TOX: variants seen among roughly 807,000 people sequenced by gnomAD.
TOX encodes the protein thymocyte selection associated high mobility group box.
Under a neutral mutation model 53.7 loss-of-function variants are expected in TOX, and 11 were observed. That is an observed-to-expected ratio of 0.20 (90% confidence interval 0.13 to 0.34). The LOEUF is 0.34. Among genes scored for constraint, TOX ranks in the 10% least tolerant of loss-of-function variants. The pLI is 1.00. For missense variants in TOX, 570 were observed against 664.6 expected (o/e 0.86, Z 1.56); for synonymous variants, 225 against 245.3 (o/e 0.92, Z 0.77).
chr8:58,985,156 T>G (rs1813303524), intron 1 of TOX, among the ~76,000 whole-genome samples: 1 of 150,432 alleles, frequency 6.6e-6, no homozygotes, highest in Admixed American at 6.7e-5. Flanking sequence ...TATCTATATC[T>G]TCTATCTATA....
intron 1 of TOX, among the ~76,000 whole-genome samples, chr8:58,965,627 A>G (rs1041615876): frequency 6.6e-6 from 1 of 152,160 alleles, no homozygotes; most frequent in Admixed American, 6.5e-5. Context: ...TGAGGGGGAA[A>G]AACAGCCTCA....
intron 3 of TOX, among the ~76,000 whole-genome samples, chr8:58,871,455 G>T (rs984125277): frequency 1.3e-5 from 2 of 152,128 alleles, no homozygotes; most frequent in East Asian, 3.8e-4. Flanking sequence ...AAAGTATAAT[G>T]TGACAAAAGA....
At chr8:58,998,534 T>TATATATATATAAA (rs1554537351) in intron 1 of TOX, among the ~76,000 whole-genome samples, 8 of 18,340 alleles carry the variant, frequency 4.4e-4, no homozygotes, top group African/African-American at 1.3e-3. Flanking sequence ...TATATATATA[T>TATATATATATAAA]ATATAAATTT....
At chr8:58,836,478 C>T (rs1810548290) in intron 5 of TOX, among the ~76,000 whole-genome samples, 1 of 152,132 alleles carries the variant, frequency 6.6e-6, no homozygotes, top group Admixed American at 6.5e-5. Context: ...GTACAGAGAA[C>T]GTTTTGGTGG....
intron 1 of TOX, among the ~76,000 whole-genome samples, chr8:59,006,172 A>C (rs1813789425): frequency 6.6e-6 from 1 of 152,212 alleles, no homozygotes; most frequent in Admixed American, 6.5e-5. Flanking sequence ...TTTTAGATTC[A>C]TTGTGTCTGT....
chr8:58,879,566 G>GA (rs543408400), intron 3 of TOX, among the ~76,000 whole-genome samples: 19 of 151,882 alleles, frequency 1.3e-4, no homozygotes, highest in South Asian at 8.3e-4. Context: ...CATTATAAAT[G>GA]AAAAAAAATA....
intron 3 of TOX, among the ~76,000 whole-genome samples, chr8:58,866,741 T>C (rs544558487): frequency 2.6e-4 from 39 of 152,168 alleles, no homozygotes; most frequent in Non-Finnish European, 4.7e-4. Context: ...TCAAATTGAG[T>C]AGCTTTTAAA....
At chr8:59,047,799 CAG>C (rs1162651971) in intron 1 of TOX, among the ~76,000 whole-genome samples, 2 of 152,104 alleles carry the variant, frequency 1.3e-5, no homozygotes, top group East Asian at 3.9e-4. Context: ...CAAAACATCA[CAG>C]AATTCAATTA....
At chr8:59,027,461 T>TTA (rs1554540359) in intron 1 of TOX, among the ~76,000 whole-genome samples, 3 of 151,930 alleles carry the variant, frequency 2.0e-5, no homozygotes, top group Admixed American at 2.0e-4. Context: ...TTTTTTTTTT[T>TTA]AAATTTTTCA....
intron 1 of TOX, among the ~76,000 whole-genome samples, chr8:58,978,391 A>G (rs1012769392): frequency 2.6e-5 from 4 of 152,196 alleles, no homozygotes; most frequent in African/African-American, 9.7e-5. Flanking sequence ...GTTCTTTCCA[A>G]ACCTTGAAAT....
chr8:59,110,059 A>G (rs1043670529), intron 1 of TOX, among the ~76,000 whole-genome samples: 3 of 152,144 alleles, frequency 2.0e-5, no homozygotes, highest in Admixed American at 1.3e-4. Context: ...TAACAGCATA[A>G]TTTATTTCAA....
chr8:59,058,906 A>C (rs910170235), intron 1 of TOX, among the ~76,000 whole-genome samples: 9 of 152,198 alleles, frequency 5.9e-5, no homozygotes, highest in Admixed American at 5.9e-4. Context: ...CAGGGCATCC[A>C]GGAAGACAGC....
rs1173710545 is a variant in TOX at position 58,873,958 on chromosome 8, C to CTTTT, written c.412-22157_412-22154dup. Among the ~76,000 whole-genome samples the CTTTT allele has an allele frequency of 7.5e-4, 30 of 40,126 alleles. 8 individuals are homozygous for CTTTT. Among genetic ancestry groups the CTTTT allele is most frequent in the African/African-American group, 4.5e-3 (26 of 5,782 alleles). 26.3% of individuals were successfully genotyped at this position (40,126 alleles called of 152,430 possible). A position where few individuals can be genotyped will look rare whatever the true frequency, so the allele number is the denominator to read the frequency against. On this transcript the variant is annotated intron_variant, in intron 3 of 8. Transcript: ENST00000361421. ...AATACACATCCTGAATGCCAGGAAG[C>CTTTT]TTTTTTTTTTTTTTTTTTTTTTTTT...
chr8:58,914,998 T>A (rs1464576977), intron 3 of TOX, among the ~76,000 whole-genome samples: 1 of 151,250 alleles, frequency 6.6e-6, no homozygotes, highest in Non-Finnish European at 1.5e-5. Context: ...TCAGACCGGC[T>A]TAAAAAACGG....
At chr8:58,860,265 C>T (rs1172708524) in intron 3 of TOX, among the ~76,000 whole-genome samples, 4 of 152,024 alleles carry the variant, frequency 2.6e-5, no homozygotes, top group East Asian at 1.9e-4. Context: ...AATTTTTCAC[C>T]AACAAATATT....
At chr8:58,824,382 C>T (rs1810333261) in intron 6 of TOX, among the ~76,000 whole-genome samples, 1 of 152,196 alleles carries the variant, frequency 6.6e-6, no homozygotes, top group African/African-American at 2.4e-5. Flanking sequence ...GAACCCAGTG[C>T]CTTTCAAATG....
At chr8:58,861,658 C>T (rs374223507) in intron 3 of TOX, among the ~76,000 whole-genome samples, 21 of 152,124 alleles carry the variant, frequency 1.4e-4, no homozygotes, top group African/African-American at 2.9e-4. Flanking sequence ...AAAATTGGGA[C>T]GTACTGGGAG....
intron 5 of TOX, among the ~76,000 whole-genome samples, chr8:58,833,483 TGGAGGTAAACA>T (rs1810497702): frequency 6.6e-6 from 1 of 152,150 alleles, no homozygotes; most frequent in South Asian, 2.1e-4. Flanking sequence ...TCAGAAATAA[TGGAGGTAAACA>T]GGAAATTTAG....
At chr8:58,945,865 G>A (rs1196718451) in intron 2 of TOX, among the ~76,000 whole-genome samples, 2 of 151,982 alleles carry the variant, frequency 1.3e-5, no homozygotes, top group African/African-American at 4.8e-5. Flanking sequence ...TACCAGAGAG[G>A]CATTGTATTT....
Sources: gnomAD v4.1 joint callset for allele counts (sites outside exome capture counted in the v4.1 genomes callset) on GRCh38, gnomAD v4.1.1 for gene constraint, MANE v1.5 for transcripts, NCBI Gene and HGNC (gene_info 2026-07-23, HGNC 2026-07-21) for gene names.